CUL2: variants seen among roughly 807,000 people sequenced by gnomAD.
CUL2 encodes the protein cullin-2.
CUL2 carries 22 observed loss-of-function variants against 110.2 expected under a neutral mutation model. The ratio of observed to expected loss-of-function variants is 0.20; its 90% CI spans 0.14 to 0.28. CUL2 has a LOEUF of 0.28. Among genes scored for constraint, CUL2 ranks in the 10% least tolerant of loss-of-function variants. The pLI, the probability that CUL2 is intolerant of heterozygous loss-of-function variation, is 1.00. For missense variants in CUL2, 631 were observed against 905.5 expected (o/e 0.70, Z 3.89); for synonymous variants, 279 against 293.2 (o/e 0.95, Z 0.49).
intron 2 of CUL2, among the ~76,000 whole-genome samples, chr10:35,070,158 T>C (rs1564737351): frequency 1.3e-5 from 2 of 152,332 alleles, no homozygotes; most frequent in East Asian, 1.9e-4. Context: ...ACTGATCTGA[T>C]AGACTTGTTT....
chr10:35,108,267 T>G (rs1457362538), intron 1 of CUL2, among the ~76,000 whole-genome samples: 1 of 151,566 alleles, frequency 6.6e-6, no homozygotes, highest in Non-Finnish European at 1.5e-5. Flanking sequence ...CCAGCCTGGG[T>G]GACATGATGA....
At chr10:35,072,628 A>C (rs1337461591) in intron 1 of CUL2, among the ~76,000 whole-genome samples, 3 of 152,190 alleles carry the variant, frequency 2.0e-5, no homozygotes, top group Non-Finnish European at 4.4e-5. Context: ...TCGGCCTCCC[A>C]AAGTGCAGGG....
chr10:35,097,173 A>G (rs998266326), intron 2 of CUL2, among the ~76,000 whole-genome samples: 1 of 152,100 alleles, frequency 6.6e-6, no homozygotes, highest in Non-Finnish European at 1.5e-5. Flanking sequence ...CTGAGCACCA[A>G]CTAAAGTGTC....
chr10:35,120,189 C>A (rs2087661609), intron 1 of CUL2, among the ~76,000 whole-genome samples: 1 of 152,138 alleles, frequency 6.6e-6, no homozygotes, highest in Admixed American at 6.5e-5. Context: ...AATCTGTACA[C>A]AGAAAGGCTT....
intron 1 of CUL2, among the ~76,000 whole-genome samples, chr10:35,102,591 A>G (rs1260269447): frequency 6.6e-6 from 1 of 151,372 alleles, no homozygotes. Flanking sequence ...ATAAAAAATA[A>G]ATAAATTTAA....
Position 35,011,764 on chromosome 10 carries a change from T to C in CUL2, c.2106+84A>G, listed in dbSNP as rs1422048639. The C allele has an allele frequency of 1.0e-5, 7 of 688,188 alleles. No individual in the cohort carries two copies. In the Admixed American group the frequency reaches 1.2e-4, roughly 12 times the overall value. 42.6% of individuals were successfully genotyped at this position (688,188 alleles called of 1,614,324 possible). A position where few individuals can be genotyped will look rare whatever the true frequency, so the allele number is the denominator to read the frequency against. Reference sequence around the variant, plus strand: ...ATCTGAGGATCAGGTTATTTCTGTATCCTCTTTAAGAAGAAAGAGACTGAA... The same window carrying C: ...ATCTGAGGATCAGGTTATTTCTGTACCCTCTTTAAGAAGAAAGAGACTGAA... On this transcript the variant is annotated intron_variant, in intron 20 of 20. Transcript: ENST00000374749.
intron 1 of CUL2, among the ~76,000 whole-genome samples, chr10:35,072,800 G>A (rs1433927173): frequency 6.6e-6 from 1 of 152,168 alleles, no homozygotes; most frequent in East Asian, 1.9e-4. Context: ...TTGCTCAAAG[G>A]AACATTTTTC....
Position 35,068,921 on chromosome 10 carries a change from G to T in CUL2, c.119+2278C>A, listed in dbSNP as rs539970812. Among the ~76,000 whole-genome samples, 113 of 152,230 alleles carry T rather than the reference G, an allele frequency of 7.4e-4. 1 individual carries two copies. Among genetic ancestry groups the T allele is most frequent in the African/African-American group, 2.5e-3 (105 of 41,542 alleles). ...TTGCTCTTATTGCCCAGGCTGTAGT[G>T]CAATGGCCCGATCTTGGCTCACTGC... On this transcript the variant is annotated intron_variant, in intron 2 of 20. Coordinates refer to ENST00000374749, the MANE Select transcript of CUL2 (RefSeq NM_003591.4).
intron 8 of CUL2, among the ~76,000 whole-genome samples, chr10:35,039,503 T>C (rs186021232): frequency 6.6e-6 from 1 of 152,356 alleles, no homozygotes; most frequent in East Asian, 1.9e-4. Flanking sequence ...TACGTTGGTT[T>C]CTCTTCTTGT....
At chr10:35,074,343 G>A (rs1258823454) in intron 1 of CUL2, 10 of 720,660 alleles carry the variant, frequency 1.4e-5, no homozygotes, top group Non-Finnish European at 2.4e-5. Context: ...CATAATCTAG[G>A]AACTTCTCTC....
chr10:35,098,295 T>A (rs1223548581), intron 2 of CUL2, among the ~76,000 whole-genome samples: 1 of 152,224 alleles, frequency 6.6e-6, no homozygotes, highest in Non-Finnish European at 1.5e-5. Context: ...GATAACTCAC[T>A]ATTTGAGATA....
At chr10:35,103,496 T>C (rs1237347531) in intron 1 of CUL2, among the ~76,000 whole-genome samples, 1 of 151,776 alleles carries the variant, frequency 6.6e-6, no homozygotes, top group African/African-American at 2.4e-5. Flanking sequence ...GGCTAATTTT[T>C]GTATTTTTAG....
chr10:35,057,556 G>A (rs2134894432), intron 4 of CUL2, among the ~76,000 whole-genome samples: 1 of 151,810 alleles, frequency 6.6e-6, no homozygotes, highest in East Asian at 1.9e-4. Context: ...AGGAGGCTGA[G>A]GCAGGAGAAT....
chr10:35,073,422 C>T (rs1485390098), intron 1 of CUL2, among the ~76,000 whole-genome samples: 1 of 152,050 alleles, frequency 6.6e-6, no homozygotes, highest in Non-Finnish European at 1.5e-5. Context: ...TATAGCCCTA[C>T]AAATGATCCG....
chr10:35,016,535 A>G (rs912776817), intron 17 of CUL2, 141 bp from the exon 18 acceptor site: 1 of 676,804 alleles, frequency 1.5e-6, no homozygotes, highest in Non-Finnish European at 2.5e-6. Flanking sequence ...TTAACAAGGT[A>G]GTCATTTTGT....
At chr10:35,105,253 G>C (rs1413285014) in intron 1 of CUL2, among the ~76,000 whole-genome samples, 1 of 151,406 alleles carries the variant, frequency 6.6e-6, no homozygotes, top group African/African-American at 2.4e-5. Flanking sequence ...GTGAAACCCC[G>C]TCTCTACCAA....
intron 1 of CUL2, among the ~76,000 whole-genome samples, chr10:35,089,648 G>A (rs1440223132): frequency 6.6e-6 from 1 of 152,200 alleles, no homozygotes; most frequent in Non-Finnish European, 1.5e-5. Flanking sequence ...TCTCTAGAGG[G>A]TAAGCAAGTG....
chr10:35,050,171 A>G (rs1024720727), intron 5 of CUL2, among the ~76,000 whole-genome samples: 11 of 152,010 alleles, frequency 7.2e-5, no homozygotes, highest in Non-Finnish European at 1.3e-4. Context: ...AAATACAAAA[A>G]TGAGCCTGGT....
chr10:35,059,979 G>T (rs918734994), intron 4 of CUL2, among the ~76,000 whole-genome samples: 1 of 152,180 alleles, frequency 6.6e-6, no homozygotes, highest in Non-Finnish European at 1.5e-5. Context: ...TACTAATTTA[G>T]CCAGGCACAG....
Sources: allele counts gnomAD v4.1 joint callset (sites outside exome capture counted in the v4.1 genomes callset), GRCh38; gene constraint gnomAD v4.1.1; transcripts MANE v1.5; gene names NCBI Gene and HGNC (gene_info 2026-07-23, HGNC 2026-07-21).